ZNF148: variants seen among roughly 807,000 people sequenced by gnomAD.
ZNF148 encodes Beta-Enolase Repressor Factor-1.
ZNF148 carries 7 observed loss-of-function variants against 67.7 expected under a neutral mutation model. The ratio of observed to expected loss-of-function variants is 0.10; its 90% CI spans 0.06 to 0.19. The LOEUF (loss-of-function observed/expected upper bound fraction) is 0.19, where lower values mean the gene tolerates loss of function less well. ZNF148 is among the 10% of genes least tolerant of loss of function. The pLI is 1.00. For synonymous variants in ZNF148, 333 were observed against 330.7 expected (o/e 1.01, Z -0.08); for missense variants, 583 against 947.1 (o/e 0.62, Z 5.05).
At chr3:125,286,061 G>A (rs1938639506) in intron 5 of ZNF148, among the ~76,000 whole-genome samples, 1 of 152,108 alleles carries the variant, frequency 6.6e-6, no homozygotes, top group African/African-American at 2.4e-5. Context: ...ACTTGAAATA[G>A]ATACCCCATA....
chr3:125,321,455 T>C (rs1203232137), intron 3 of ZNF148, among the ~76,000 whole-genome samples: 1 of 152,128 alleles, frequency 6.6e-6, no homozygotes, highest in Non-Finnish European at 1.5e-5. Flanking sequence ...AATATTTGAA[T>C]AAGTCAAAGT....
chr3:125,316,331 T>C (rs899452154), intron 3 of ZNF148, among the ~76,000 whole-genome samples: 1 of 152,246 alleles, frequency 6.6e-6, no homozygotes, highest in Admixed American at 6.5e-5. Context: ...TCTTTTAATA[T>C]ACTGATTTCC....
At chr3:125,363,946 G>A (rs1314276572) in intron 1 of ZNF148, among the ~76,000 whole-genome samples, 1 of 152,152 alleles carries the variant, frequency 6.6e-6, no homozygotes, top group African/African-American at 2.4e-5. Context: ...ACTGTGTCCA[G>A]CCTACTTCAC....
chr3:125,250,232 A>G (rs1354882461), intron 7 of ZNF148, among the ~76,000 whole-genome samples: 1 of 152,244 alleles, frequency 6.6e-6, no homozygotes, highest in African/African-American at 2.4e-5. Flanking sequence ...ATCACTTCAC[A>G]ATGTATACAT....
At chr3:125,252,816 C>T (rs1936902894) in intron 7 of ZNF148, among the ~76,000 whole-genome samples, 1 of 151,584 alleles carries the variant, frequency 6.6e-6, no homozygotes, top group Non-Finnish European at 1.5e-5. Flanking sequence ...CCTTTCTCAG[C>T]CACACTCCAG....
In ZNF148 at chr3:125,233,380, T is replaced by C; in HGVS notation, c.1346A>G (p.Asn449Ser). The stretch of plus-strand genomic sequence containing the variant: ...AGGTTTACTGGGCCCCTCCTGCAAA[T>C]TATCAACCTGATCAATGTCAGCATT... ...EGNADIDQVDNLQEGPSKPVH... is the reference protein window; with the variant it reads ...EGNADIDQVDSLQEGPSKPVH... The change falls in exon 9 of 9, where the codon AAT (asparagine) becomes AGT (serine). Residue 449 changes from asparagine (N) to serine (S), a missense_variant. Transcript: ENST00000360647. This position sits in a 1 kb window ranked among gnomAD's most constrained non-coding sequence, Gnocchi z 5.1. 1.2e-6 allele frequency: 2 copies of C among 1,613,976 alleles called. 1 individual carries two copies. Among genetic ancestry groups the C allele is most frequent in the South Asian group, 2.2e-5 (2 of 91,074 alleles).
At chr3:125,366,075 T>G (rs1343825382) in intron 1 of ZNF148, among the ~76,000 whole-genome samples, 1 of 152,234 alleles carries the variant, frequency 6.6e-6, no homozygotes, top group African/African-American at 2.4e-5. Context: ...CTATCTAATA[T>G]ACGGTCCTTG....
At chr3:125,248,320 C>T (rs1056895364) in intron 7 of ZNF148, among the ~76,000 whole-genome samples, 1 of 152,142 alleles carries the variant, frequency 6.6e-6, no homozygotes, top group African/African-American at 2.4e-5. Flanking sequence ...ATAAGCCCCC[C>T]AATTTCCAGC....
In ZNF148 at chr3:125,288,115, A is replaced by G. The variant is rs761776552; in HGVS notation, c.447T>C (p.Arg149=). 2 of 1,613,710 alleles carry G rather than the reference A, an allele frequency of 1.2e-6. No homozygotes were observed. The highest frequency in any genetic ancestry group is 1.3e-5 in the African/African-American group (1 of 74,898). Residue 149 remains arginine (R), a synonymous_variant, in exon 5 of 9, where the codon CGT becomes CGC. Coordinates refer to ENST00000360647, the MANE Select transcript of ZNF148 (RefSeq NM_021964.3). ...TACATTGTCTTACTTTTGCGGGAGA[A>G]CGTTGTTTCCGCTTCTTCTTTTTCT... ...DLQKKKKRKQ[R]SPAKILTINE...
chr3:125,303,730 T>C (rs1041263238), intron 4 of ZNF148, among the ~76,000 whole-genome samples: 8 of 151,758 alleles, frequency 5.3e-5, no homozygotes, highest in African/African-American at 1.9e-4. Context: ...ATAATAATAA[T>C]AGAAATAAAG....
intron 1 of ZNF148, among the ~76,000 whole-genome samples, chr3:125,373,431 GTAGTTT>G (rs1363532177): frequency 2.0e-5 from 3 of 151,986 alleles, no homozygotes; most frequent in Admixed American, 6.5e-5. Flanking sequence ...TAATATCCGG[GTAGTTT>G]TTAAGAGTAT....
intron 3 of ZNF148, among the ~76,000 whole-genome samples, chr3:125,314,115 T>C (rs1400396760): frequency 6.6e-6 from 1 of 152,034 alleles, no homozygotes; most frequent in Non-Finnish European, 1.5e-5. Context: ...TCCAAGAAAT[T>C]ACCATTAAAC....
intron 4 of ZNF148, among the ~76,000 whole-genome samples, chr3:125,306,490 A>G (rs1230453298): frequency 6.6e-6 from 1 of 152,190 alleles, no homozygotes; most frequent in Non-Finnish European, 1.5e-5. Flanking sequence ...GAAAATATTA[A>G]TAGAACTTTG....
chr3:125,340,943 C>G (rs569742520), intron 1 of ZNF148, among the ~76,000 whole-genome samples: 44 of 145,662 alleles, frequency 3.0e-4, no homozygotes, highest in Admixed American at 2.5e-3. Flanking sequence ...AGCCGAGATC[C>G]CGCCACTGCA....
At chr3:125,327,542 C>T (rs572915702) in intron 2 of ZNF148, among the ~76,000 whole-genome samples, 4 of 152,254 alleles carry the variant, frequency 2.6e-5, no homozygotes, top group East Asian at 1.9e-4. Context: ...TTGTCTGAGC[C>T]GCACAACGTG....
In ZNF148 at chr3:125,306,208, A is replaced by G. The variant is rs7624547; in HGVS notation, c.333+7100T>C. On this transcript the variant is annotated intron_variant, in intron 4 of 8. Transcript: ENST00000360647. ...CTTCACATGTTTAGGTCAAAAATGA[A>G]TATCTAAAATCAGTCACCAAACTTT... 5.4e-3 allele frequency among the ~76,000 whole-genome samples: 821 copies of G among 152,318 alleles called. 8 individuals are homozygous for G. The highest frequency in any genetic ancestry group is 0.02 in the Middle Eastern group (6 of 294).
intron 1 of ZNF148, among the ~76,000 whole-genome samples, chr3:125,373,311 A>C (rs945861135): frequency 6.6e-6 from 1 of 151,328 alleles, no homozygotes; most frequent in Non-Finnish European, 1.5e-5. Context: ...GGCTGATCTT[A>C]AACTCCTGAC....
chr3:125,305,568 T>C (rs1310758411), intron 4 of ZNF148, among the ~76,000 whole-genome samples: 1 of 151,808 alleles, frequency 6.6e-6, no homozygotes, highest in Non-Finnish European at 1.5e-5. Context: ...TCCCAGTACT[T>C]TGGGAGGTGA....
At chr3:125,243,839 T>C (rs1936474029) in intron 7 of ZNF148, among the ~76,000 whole-genome samples, 2 of 152,188 alleles carry the variant, frequency 1.3e-5, no homozygotes, top group African/African-American at 2.4e-5. Context: ...TTCTTGATTC[T>C]TGAAATAAGA....
Sources: allele counts gnomAD v4.1 joint callset (sites outside exome capture counted in the v4.1 genomes callset), GRCh38; gene constraint gnomAD v4.1.1; non-coding constraint Gnocchi (gnomAD v3.1); transcripts MANE v1.5; gene names NCBI Gene and HGNC (gene_info 2026-07-23, HGNC 2026-07-21).